The following KDELR1 variants were observed in gnomAD, a reference collection of about 807,000 sequenced individuals.
The protein encoded by KDELR1 is KDEL endoplasmic reticulum protein retention receptor 1, also known as ER lumen protein-retaining receptor 1.
A neutral mutation model predicts 25.5 loss-of-function variants in KDELR1; 16 were observed. The ratio of observed to expected loss-of-function variants is 0.63; its 90% CI spans 0.43 to 0.95. KDELR1 has a LOEUF of 0.95. KDELR1 is among the 40% of genes least tolerant of loss of function. KDELR1 has a pLI of 0.00. For synonymous variants in KDELR1, 121 were observed against 115.0 expected, an observed-to-expected ratio of 1.05 and a Z score of -0.33; for missense variants, 159 against 265.2, an observed-to-expected ratio of 0.60 and a Z score of 2.78.
rs1970524830 is a variant in KDELR1, at chr19:48,389,635, T to C, written c.269A>G (p.His90Arg). Residue 90 changes from histidine to arginine, a missense_variant, in exon 3 of 5, where the codon CAT (histidine) becomes CGT (arginine). Physicochemically the swap from His to Arg is conservative, Grantham distance 29. Coordinates refer to ENST00000330720, the MANE Select transcript of KDELR1 (RefSeq NM_006801.3). ...SKFKATYDGNHDTFRVEFLVV... is the reference protein window; with the variant it reads ...SKFKATYDGNRDTFRVEFLVV... ...CAGGAACTCCACTCTGAACGTGTCA[T>C]GGTTCCCATCGTAAGTAGCTTTGAA... 1.1e-5 allele frequency: 17 copies of C among 1,614,166 alleles called. No individual in the cohort carries two copies. Among genetic ancestry groups the C allele is most frequent in the Non-Finnish European group, 1.4e-5 (16 of 1,179,992 alleles).
chr19:48,385,420 A>C (rs1970487697), intron 3 of KDELR1, among the ~76,000 whole-genome samples: 1 of 151,978 alleles, frequency 6.6e-6, no homozygotes. Context: ...CTGGGATCCT[A>C]CTTCTTGTTC....
At chr19:48,393,616 G>T (rs772172747), upstream of KDELR1, among the ~76,000 whole-genome samples, 4 of 152,168 alleles carry the variant, frequency 2.6e-5, no homozygotes, top group Admixed American at 6.5e-5. The surrounding 1 kb of genome is among the most constrained non-coding windows in gnomAD (Gnocchi z 5.6). Flanking sequence ...AGGCCAGGAG[G>T]GGGGGCTGTG....
upstream of KDELR1, among the ~76,000 whole-genome samples, chr19:48,393,045 G>A (rs974299525): frequency 1.3e-5 from 2 of 152,206 alleles, no homozygotes; most frequent in African/African-American, 4.8e-5. The surrounding 1 kb of genome is among the most constrained non-coding windows in gnomAD (Gnocchi z 5.6). Flanking sequence ...GTGCAGGCGT[G>A]TTGATTTCTT....
upstream of KDELR1, among the ~76,000 whole-genome samples, chr19:48,396,519 G>A (rs997029829): frequency 1.3e-5 from 2 of 151,916 alleles, no homozygotes; most frequent in African/African-American, 4.8e-5. Context: ...AACCCCGCGG[G>A]GGCCAGGCCA....
chr19:48,386,964 G>A (rs762141001), intron 3 of KDELR1, among the ~76,000 whole-genome samples: 23 of 151,456 alleles, frequency 1.5e-4, no homozygotes, highest in South Asian at 2.1e-4. Flanking sequence ...CCAGCTACTC[G>A]GGACGCTGAG....
In KDELR1 at chr19:48,384,979, T is replaced by C; in HGVS notation, c.352-497A>G. Among the ~76,000 whole-genome samples the C allele has an allele frequency of 6.6e-6, 1 of 151,662 alleles. No homozygotes were observed. Among genetic ancestry groups the C allele is most frequent in the South Asian group, 2.1e-4 (1 of 4,788 alleles). ...TCGGCTCACTGCAACCTCTGCCTCT[T>C]GGGTTCAAGCGTTTCTCCTGCCTCA... is the stretch of plus-strand genomic sequence containing the variant. On this transcript the variant is annotated intron_variant, in intron 3 of 4. Transcript: ENST00000330720. This position sits in a 1 kb window ranked among gnomAD's most constrained non-coding sequence, Gnocchi z 4.6.
intron 1 of KDELR1, among the ~76,000 whole-genome samples, chr19:48,391,067 A>C (rs1005980387): frequency 1.3e-5 from 2 of 152,110 alleles, no homozygotes; most frequent in African/African-American, 4.8e-5. Context: ...AAAGCCATTC[A>C]CATGAAACTG....
At chr19:48,388,868 AAAGG>A (rs759344139) in intron 3 of KDELR1, among the ~76,000 whole-genome samples, 38 of 149,508 alleles carry the variant, frequency 2.5e-4, no homozygotes, top group East Asian at 5.9e-4. Flanking sequence ...AGGAAGAAAG[AAAGG>A]AAGGAAGGAA....
chr19:48,396,961 C>G, the KDELR1 span, among the ~76,000 whole-genome samples: 1 of 152,152 alleles, frequency 6.6e-6, no homozygotes, highest in African/African-American at 2.4e-5. Context: ...CCCTCAGTCC[C>G]AGGCAGGACC....
chr19:48,387,263 T>A (rs1221828152), intron 3 of KDELR1, among the ~76,000 whole-genome samples: 1 of 151,860 alleles, frequency 6.6e-6, no homozygotes, highest in Admixed American at 6.6e-5. Context: ...GTTTGCAAAG[T>A]CCAGGGCCTG....
chr19:48,389,556 C>T lies in KDELR1; in HGVS notation c.348G>A (p.Leu116=), dbSNP rs1970523967. The change falls in exon 3 of 5, where the codon CTG becomes CTA. Residue 116 remains leucine (L), a synonymous_variant. Coordinates refer to ENST00000330720, the MANE Select transcript of KDELR1 (RefSeq NM_006801.3). Reference sequence around the variant, plus strand: ...GGAGTCACAGCAAGGCGCCTACCTCCAGAGGGGTGAAGTCATGATTGACCA... The same window carrying T: ...GGAGTCACAGCAAGGCGCCTACCTCTAGAGGGGTGAAGTCATGATTGACCA... ...AFLVNHDFTP[L]EILWTFSIYL... The T allele has an allele frequency of 6.2e-7, 1 of 1,614,062 alleles. No individual in the cohort carries two copies. Among genetic ancestry groups the T allele is most frequent in the Non-Finnish European group, 8.5e-7 (1 of 1,179,972 alleles).
Position 48,391,406 on chromosome 19 carries a change from G to A in KDELR1, c.-48C>T. The A allele has an allele frequency of 6.8e-7, 1 of 1,477,680 alleles. No homozygotes were observed. Among genetic ancestry groups the A allele is most frequent in the Non-Finnish European group, 9.3e-7 (1 of 1,080,964 alleles). The allele number at this position is 1,477,680 out of a possible 1,614,324, so 91.5% of individuals were successfully genotyped here. The stretch of plus-strand genomic sequence containing the variant: ...TGAGCGGGAGGGAGGCAGGCTGGCG[G>A]GGGGGTGCCCCCCGAGGCTGCTGGT... On this transcript the variant is annotated 5_prime_UTR_variant, in exon 1 of 5. Transcript: ENST00000330720.
intron 1 of KDELR1, among the ~76,000 whole-genome samples, chr19:48,391,015 G>C (rs980187298): frequency 6.6e-6 from 1 of 152,040 alleles, no homozygotes; most frequent in Non-Finnish European, 1.5e-5. Flanking sequence ...TGAACCCTCG[G>C]GCTGCCCAGA....
At chr19:48,394,179 CTCTGTGTGTGTGTG>C (rs1345915076), upstream of KDELR1, among the ~76,000 whole-genome samples, 5 of 151,772 alleles carry the variant, frequency 3.3e-5, no homozygotes, top group Non-Finnish European at 5.9e-5. The surrounding 1 kb of genome is among the most constrained non-coding windows in gnomAD (Gnocchi z 5.1). Flanking sequence ...AGACCCCCCA[CTCTGTGTGTGTGTG>C]TCTGTGTGTG....
chr19:48,396,695 G>A, the KDELR1 span, among the ~76,000 whole-genome samples: 23 of 151,944 alleles, frequency 1.5e-4, no homozygotes, highest in Non-Finnish European at 1.5e-4. Flanking sequence ...ACAGGGGCCC[G>A]AGATCTCTGG....
At chr19:48,387,725 T>A (rs956900187) in intron 3 of KDELR1, 2 of 150,588 alleles carry the variant, frequency 1.3e-5, no homozygotes, top group African/African-American at 2.4e-5. Flanking sequence ...TCTGAATCTG[T>A]GGCTAAAATT....
rs1970469817 is a variant in KDELR1, at chr19:48,383,185, A to C, written c.*108T>G. ...GGCAGGAGGCGGGATGGGGAGCACA[A>C]GAGGTGGGTTCTTAAAAAAGTCACC... On this transcript the variant is annotated 3_prime_UTR_variant, in exon 5 of 5. Coordinates refer to ENST00000330720, the MANE Select transcript of KDELR1 (RefSeq NM_006801.3). 8.5e-7 allele frequency: 1 copy of C among 1,173,742 alleles called. No individual in the cohort carries two copies. The highest frequency in any genetic ancestry group is 2.6e-5 in the East Asian group (1 of 39,168). The allele number at this position is 1,173,742 out of a possible 1,614,324, so 72.7% of individuals were successfully genotyped here. A position where few individuals can be genotyped will look rare whatever the true frequency, so the allele number is the denominator to read the frequency against.
rs1392894239 is a variant in KDELR1, at chr19:48,383,244, T to A, written c.*49A>T. 2 of 1,543,056 alleles carry A rather than the reference T, an allele frequency of 1.3e-6. No individual in the cohort carries two copies. The highest frequency in any genetic ancestry group is 3.9e-5 in the Admixed American group (2 of 50,948). ...GGAAAGCTCTTCATCTTCTGCCGCC[T>A]TCCTCTGCCTCCCGCTGCTGCCGAG... is the stretch of plus-strand genomic sequence containing the variant. On this transcript the variant is annotated 3_prime_UTR_variant, in exon 5 of 5. Coordinates refer to ENST00000330720, the MANE Select transcript of KDELR1 (RefSeq NM_006801.3).
At position 48,384,498 on chromosome 19, in the gene KDELR1, G is replaced by A. The variant is rs140821885; in HGVS notation, c.352-16C>T. The stretch of plus-strand genomic sequence containing the variant: ...TCCAGAGGATCTGCAGAGAGGCCGG[G>A]GACATGATGAGGTGGGAGGGGACAG... On this transcript the variant is annotated splice_polypyrimidine_tract_variant and intron_variant, in intron 3 of 4. Coordinates refer to ENST00000330720, the MANE Select transcript of KDELR1 (RefSeq NM_006801.3). The surrounding 1 kb of genome is among the most constrained non-coding windows in gnomAD (Gnocchi z 4.6). 8 of 1,608,532 alleles carry A rather than the reference G, an allele frequency of 5.0e-6. No individual in the cohort carries two copies. In the African/African-American group the frequency reaches 1.1e-4, roughly 21 times the overall value.
Sources: gnomAD v4.1 joint callset for allele counts (sites outside exome capture counted in the v4.1 genomes callset) on GRCh38, gnomAD v4.1.1 for gene constraint, Gnocchi (gnomAD v3.1) non-coding constraint, MANE v1.5 for transcripts, NCBI Gene and HGNC (gene_info 2026-07-23, HGNC 2026-07-21) for gene names.